The following DNAI7 variants were observed in gnomAD, a reference collection of about 807,000 sequenced individuals.
DNAI7 encodes cancer susceptibility 1.
In DNAI7, 78 loss-of-function variants were observed where a neutral mutation model predicts 86.6. The ratio of observed to expected loss-of-function variants is 0.90; its 90% CI spans 0.75 to 1.09. The LOEUF (loss-of-function observed/expected upper bound fraction) is 1.09, where lower values mean the gene tolerates loss of function less well. Ranked by LOEUF, DNAI7 falls within the 50% of genes least tolerant of loss-of-function variation. The probability of loss-of-function intolerance (pLI) is 0.00; values close to 1 mark genes in which losing one functional copy is unlikely to be tolerated. For missense variants in DNAI7, 753 were observed against 810.2 expected, an observed-to-expected ratio of 0.93 and a Z score of 0.86; for synonymous variants, 274 against 273.0, an observed-to-expected ratio of 1.00 and a Z score of -0.04.
chr12:25,134,969 G>C (rs1943372459), intron 9 of DNAI7, among the ~76,000 whole-genome samples: 1 of 152,170 alleles, frequency 6.6e-6, no homozygotes, highest in Non-Finnish European at 1.5e-5. Flanking sequence ...CAGATATGAG[G>C]CAGGACTAAC....
intron 9 of DNAI7, among the ~76,000 whole-genome samples, chr12:25,125,864 G>C (rs1300610747): frequency 6.6e-6 from 1 of 152,106 alleles, no homozygotes; most frequent in East Asian, 1.9e-4. Context: ...TAATTGAATA[G>C]GGAGTCTTTT....
rs796117775 is a variant in DNAI7, at chr12:25,120,079, G to A, written c.1240-778C>T. On this transcript the variant is annotated intron_variant, in intron 11 of 15. Transcript: ENST00000395987. ...GTCAATAACAACAGATCTTTAGATGGATTCTTGAAAACCCCAGCTCAGGCT... is the reference window on the plus strand; with the variant it reads ...GTCAATAACAACAGATCTTTAGATGAATTCTTGAAAACCCCAGCTCAGGCT... Among the ~76,000 whole-genome samples, 7 of 152,118 alleles carry A rather than the reference G, an allele frequency of 4.6e-5. No individual in the cohort carries two copies. In the South Asian group the frequency reaches 1.4e-3, roughly 32 times the overall value.
intron 12 of DNAI7, among the ~76,000 whole-genome samples, chr12:25,116,638 T>C (rs1354520122): frequency 6.6e-6 from 1 of 152,182 alleles, no homozygotes; most frequent in Non-Finnish European, 1.5e-5. Flanking sequence ...TAGCTAGCAT[T>C]ACAGGCACGT....
chr12:25,192,288 G>T (rs74760555), intron 1 of DNAI7, among the ~76,000 whole-genome samples: 1 of 152,296 alleles, frequency 6.6e-6, no homozygotes, highest in Non-Finnish European at 1.5e-5. Context: ...TTAAAGAGGG[G>T]CAAATTGTCA....
intron 5 of DNAI7, among the ~76,000 whole-genome samples, chr12:25,154,714 GT>G (rs1301972196): frequency 6.6e-6 from 1 of 152,112 alleles, no homozygotes; most frequent in Non-Finnish European, 1.5e-5. Context: ...TTATTTATAA[GT>G]AGTTTTGTTT....
intron 9 of DNAI7, among the ~76,000 whole-genome samples, 184 bp downstream of exon 9, chr12:25,144,181 C>T (rs934255588): frequency 3.3e-5 from 5 of 152,024 alleles, no homozygotes; most frequent in African/African-American, 7.2e-5. Flanking sequence ...GCTAGTGGCT[C>T]AACTATTAAT....
intron 9 of DNAI7, among the ~76,000 whole-genome samples, chr12:25,133,734 G>A (rs552649798): frequency 6.6e-6 from 1 of 152,144 alleles, no homozygotes; most frequent in Non-Finnish European, 1.5e-5. Flanking sequence ...GTGTCTGTTG[G>A]GTGGTGGTGA....
At chr12:25,159,635 A>ATC (rs1393348390) in intron 3 of DNAI7, among the ~76,000 whole-genome samples, 3 of 152,192 alleles carry the variant, frequency 2.0e-5, no homozygotes, top group Non-Finnish European at 4.4e-5. Flanking sequence ...ATCTTGTGAC[A>ATC]TCTACATCTC....
intron 2 of DNAI7, 86 bp downstream of exon 2, chr12:25,190,527 TA>T: frequency 1.8e-6 from 1 of 563,090 alleles, no homozygotes; most frequent in South Asian, 4.4e-5. Flanking sequence ...ACTAAAACTA[TA>T]AAAATATTTT....
rs116698165 is a variant in DNAI7, at chr12:25,177,431, C to T, written c.21+13183G>A. Among the ~76,000 whole-genome samples, 943 of 152,254 alleles carry T rather than the reference C, an allele frequency of 6.2e-3. 10 individuals carry two copies. The highest frequency in any genetic ancestry group is 0.021 in the African/African-American group (881 of 41,554). On this transcript the variant is annotated intron_variant, in intron 2 of 15. Coordinates refer to ENST00000395987, the MANE Select transcript of DNAI7 (RefSeq NM_018272.5). ...AGTGGAAAAATACAATATTTGCCCT[C>T]ATTTGTGATTTACTTCTTTAGATAT...
chr12:25,178,835 C>G (rs1949232411), intron 2 of DNAI7, among the ~76,000 whole-genome samples: 1 of 151,714 alleles, frequency 6.6e-6, no homozygotes, highest in Non-Finnish European at 1.5e-5. Context: ...GGTTACTGAC[C>G]CACTCTATTC....
Position 25,182,720 on chromosome 12 carries a change from T to A in DNAI7, c.21+7894A>T, listed in dbSNP as rs560249027. ...AGAGGATCACCTGAGCCCCAAAGTT[T>A]AAGACCAGCCTGGGCAACATAGAAT... On this transcript the variant is annotated intron_variant, in intron 2 of 15. Coordinates refer to ENST00000395987, the MANE Select transcript of DNAI7 (RefSeq NM_018272.5). Among the ~76,000 whole-genome samples the A allele has an allele frequency of 1.8e-4, 27 of 150,902 alleles. 1 individual carries two copies. Among genetic ancestry groups the A allele is most frequent in the Non-Finnish European group, 3.8e-4 (26 of 67,702 alleles).
At position 25,108,497 on chromosome 12, in the gene DNAI7, C is replaced by G. The variant is rs1399797767; in HGVS notation, c.*51G>C. The G allele has an allele frequency of 1.3e-6, 2 of 1,492,772 alleles. No individual in the cohort carries two copies. Among genetic ancestry groups the G allele is most frequent in the Non-Finnish European group, 1.8e-6 (2 of 1,096,030 alleles). The allele number at this position is 1,492,772 out of a possible 1,614,324, so 92.5% of individuals were successfully genotyped here. A position where few individuals can be genotyped will look rare whatever the true frequency, so the allele number is the denominator to read the frequency against. Reference sequence around the variant, plus strand: ...TACATTGTGTTGCAGAAATACCTGTCTTTCACCATGCTTGGTTCTTCATAC... The same window carrying G: ...TACATTGTGTTGCAGAAATACCTGTGTTTCACCATGCTTGGTTCTTCATAC... On this transcript the variant is annotated 3_prime_UTR_variant, in exon 16 of 16. Transcript: ENST00000395987.
chr12:25,182,757 T>TA (rs981632985), intron 2 of DNAI7, among the ~76,000 whole-genome samples: 1 of 149,882 alleles, frequency 6.7e-6, no homozygotes, highest in Non-Finnish European at 1.5e-5. Context: ...ATCTCATCTC[T>TA]AAAAAAAATT....
At chr12:25,192,973 C>T (rs977347614) in intron 1 of DNAI7, 1 of 151,746 alleles carries the variant, frequency 6.6e-6, no homozygotes, top group Non-Finnish European at 1.5e-5. Context: ...CAAAGCAAGA[C>T]CCTGTCTAAA....
chr12:25,107,056 T>A, downstream of DNAI7: 1 of 1,490,134 alleles, frequency 6.7e-7, no homozygotes, highest in South Asian at 1.2e-5. Flanking sequence ...TCAGTGTAAG[T>A]TATCTACTTG....
chr12:25,132,069 G>T (rs1366898064), intron 9 of DNAI7, among the ~76,000 whole-genome samples: 2 of 151,988 alleles, frequency 1.3e-5, no homozygotes, highest in African/African-American at 4.8e-5. Flanking sequence ...GGGATTATTC[G>T]TGTGATGGGA....
intron 2 of DNAI7, among the ~76,000 whole-genome samples, chr12:25,182,164 A>C (rs892414548): frequency 1.3e-5 from 2 of 151,792 alleles, no homozygotes; most frequent in Non-Finnish European, 2.9e-5. Context: ...CCTGACCAAC[A>C]CGGAGAAACC....
At chr12:25,145,146 T>A (rs1944670944) in intron 8 of DNAI7, among the ~76,000 whole-genome samples, 1 of 152,186 alleles carries the variant, frequency 6.6e-6, no homozygotes, top group African/African-American at 2.4e-5. Flanking sequence ...AAAAATGCCC[T>A]TCCACAAGTG....
Sources: gnomAD v4.1 joint callset for allele counts (sites outside exome capture counted in the v4.1 genomes callset) on GRCh38, gnomAD v4.1.1 for gene constraint, MANE v1.5 for transcripts, NCBI Gene and HGNC (gene_info 2026-07-23, HGNC 2026-07-21) for gene names.